Variants in INTS4 observed in about 807,000 individuals in gnomAD.
INTS4 encodes MSTP093.
Under a neutral mutation model 119.5 loss-of-function variants are expected in INTS4, and 70 were observed. That is an observed-to-expected ratio of 0.59 (90% confidence interval 0.48 to 0.71). The LOEUF (loss-of-function observed/expected upper bound fraction) is 0.71, where lower values mean the gene tolerates loss of function less well. Ranked by LOEUF, INTS4 falls within the 30% of genes least tolerant of loss-of-function variation. INTS4 has a pLI of 0.00. For synonymous variants in INTS4, 316 were observed against 419.6 expected (o/e 0.75, Z 3.02); for missense variants, 867 against 1,173.2 (o/e 0.74, Z 3.81).
chr11:77,934,949 G>A (rs893096425), intron 10 of INTS4, among the ~76,000 whole-genome samples: 2 of 152,160 alleles, frequency 1.3e-5, no homozygotes, highest in African/African-American at 4.8e-5. Flanking sequence ...GTATGATTTT[G>A]TAGGCACTTT....
intron 11 of INTS4, among the ~76,000 whole-genome samples, chr11:77,925,270 C>A (rs1187898764): frequency 1.3e-5 from 2 of 152,320 alleles, no homozygotes; most frequent in South Asian, 2.1e-4. Context: ...CCATCTTATA[C>A]AGGCACAGTT....
intron 2 of INTS4, among the ~76,000 whole-genome samples, chr11:77,983,005 C>T (rs527631058): frequency 6.6e-6 from 1 of 152,138 alleles, no homozygotes; most frequent in Non-Finnish European, 1.5e-5. Flanking sequence ...TGGGAACTTA[C>T]CTTAAGGTGT....
chr11:77,896,349 A>G (rs568183249), intron 18 of INTS4, among the ~76,000 whole-genome samples: 4 of 152,312 alleles, frequency 2.6e-5, no homozygotes, highest in South Asian at 2.1e-4. Context: ...AAACTAAAAA[A>G]AGCATATTAA....
chr11:77,986,117 G>C (rs978824846), intron 2 of INTS4, among the ~76,000 whole-genome samples: 1 of 152,198 alleles, frequency 6.6e-6, no homozygotes, highest in Non-Finnish European at 1.5e-5. Flanking sequence ...GCATGGACTG[G>C]TTAAAGTGCT....
At chr11:77,963,814 G>T (rs182050929) in intron 4 of INTS4, among the ~76,000 whole-genome samples, 1 of 152,284 alleles carries the variant, frequency 6.6e-6, no homozygotes, top group East Asian at 1.9e-4. Context: ...CTCCTGAGTA[G>T]CTGGGGACCA....
intron 21 of INTS4, among the ~76,000 whole-genome samples, chr11:77,889,541 TATA>T (rs1190112207): frequency 1.3e-5 from 2 of 152,096 alleles, no homozygotes; most frequent in African/African-American, 2.4e-5. Context: ...AAACTTAAAG[TATA>T]ATAATAATAA....
chr11:77,917,694 C>T (rs1953237091), intron 15 of INTS4, among the ~76,000 whole-genome samples: 1 of 150,766 alleles, frequency 6.6e-6, no homozygotes, highest in Non-Finnish European at 1.5e-5. Flanking sequence ...GTTTGCTCCT[C>T]AAAGATATAA....
At position 77,953,288 on chromosome 11, in the gene INTS4, C is replaced by T. The variant is rs1245847570; in HGVS notation, c.918+2654G>A. Among the ~76,000 whole-genome samples the T allele has an allele frequency of 2.0e-5, 3 of 152,322 alleles. No individual in the cohort carries two copies. In the East Asian group the frequency reaches 5.8e-4, roughly 29 times the overall value. On this transcript the variant is annotated intron_variant, in intron 8 of 22. Coordinates refer to ENST00000534064, the MANE Select transcript of INTS4 (RefSeq NM_033547.4). ...CCAAAAAGAATCACAGATTTTCCTG[C>T]TGTGACACGTATACAAATTTTTATA... is the stretch of plus-strand genomic sequence containing the variant.
At chr11:77,991,758 G>A (rs1856698020) in intron 1 of INTS4, among the ~76,000 whole-genome samples, 1 of 151,948 alleles carries the variant, frequency 6.6e-6, no homozygotes, top group South Asian at 2.1e-4. Flanking sequence ...TCACACAAAG[G>A]ATCTACTCCA....
At chr11:77,933,435 G>A (rs185250793) in intron 10 of INTS4, among the ~76,000 whole-genome samples, 3,064 of 152,278 alleles carry the variant, frequency 0.02, 52 homozygotes, top group Non-Finnish European at 0.032. Context: ...TGTGTTGGCC[G>A]GGCTGGTCTC....
intron 10 of INTS4, 125 bp from the exon 11 acceptor site, chr11:77,928,672 C>T: frequency 2.1e-6 from 3 of 1,404,424 alleles, no homozygotes; most frequent in East Asian, 2.5e-5. Context: ...TGTGGTAAAA[C>T]TCTGTTTCTA....
At chr11:77,974,432 G>A (rs1383149990) in intron 4 of INTS4, among the ~76,000 whole-genome samples, 3 of 151,424 alleles carry the variant, frequency 2.0e-5, no homozygotes, top group South Asian at 2.1e-4. Context: ...TAGTAGAGAC[G>A]GGGTTTCACC....
chr11:77,885,067 ATTTCTT>A (rs576256817), intron 21 of INTS4, among the ~76,000 whole-genome samples: 76 of 151,542 alleles, frequency 5.0e-4, no homozygotes, highest in Middle Eastern at 6.8e-3. Flanking sequence ...GCCTACCCTT[ATTTCTT>A]TTTCTTTTTC....
intron 9 of INTS4, among the ~76,000 whole-genome samples, chr11:77,940,421 A>T (rs1166326443): frequency 6.6e-6 from 1 of 151,876 alleles, no homozygotes; most frequent in African/African-American, 2.4e-5. Flanking sequence ...ATAGAGTGAG[A>T]CCCTGTTTCA....
chr11:77,983,382 G>A (rs377632206), intron 2 of INTS4, among the ~76,000 whole-genome samples: 10 of 152,124 alleles, frequency 6.6e-5, no homozygotes, highest in Non-Finnish European at 1.3e-4. Flanking sequence ...GGGATTACAC[G>A]TGTGAGTCAC....
At chr11:77,876,837 T>TA (rs1407936396), downstream of INTS4, 1 of 600,790 alleles carries the variant, frequency 1.7e-6, no homozygotes, top group Non-Finnish European at 3.0e-6. Flanking sequence ...AGGATTTTTA[T>TA]AAAAGGGGTA....
intron 21 of INTS4, among the ~76,000 whole-genome samples, chr11:77,890,485 C>T (rs1158640096): frequency 6.6e-6 from 1 of 151,900 alleles, no homozygotes; most frequent in East Asian, 1.9e-4. Context: ...CTCCACCACA[C>T]TCCAAATTGA....
At chr11:77,909,471 G>A (rs1421115031) in intron 15 of INTS4, among the ~76,000 whole-genome samples, 1 of 152,150 alleles carries the variant, frequency 6.6e-6, no homozygotes, top group Admixed American at 6.5e-5. Flanking sequence ...ATCTTCATAT[G>A]GTGGAAGTCA....
chr11:77,971,852 A>G (rs1336291112), intron 4 of INTS4, among the ~76,000 whole-genome samples: 1 of 152,174 alleles, frequency 6.6e-6, no homozygotes, highest in African/African-American at 2.4e-5. Flanking sequence ...CAAAGACACT[A>G]AAATATACTA....
Sources: allele counts gnomAD v4.1 joint callset (sites outside exome capture counted in the v4.1 genomes callset), GRCh38; gene constraint gnomAD v4.1.1; transcripts MANE v1.5; gene names NCBI Gene and HGNC (gene_info 2026-07-23, HGNC 2026-07-21).